The following ASRGL1 variants were observed in gnomAD, a reference collection of about 807,000 sequenced individuals.
The protein encoded by ASRGL1 is isoaspartyl peptidase/L-asparaginase.
In ASRGL1, 16 loss-of-function variants were observed where a neutral mutation model predicts 22.4. The observed-to-expected ratio is 0.71, with a 90% CI of 0.48 to 1.08. The LOEUF (loss-of-function observed/expected upper bound fraction) is 1.08, where lower values mean the gene tolerates loss of function less well. Ranked by LOEUF, ASRGL1 falls within the 50% of genes least tolerant of loss-of-function variation. The probability of loss-of-function intolerance (pLI) is 0.00; values close to 1 mark genes in which losing one functional copy is unlikely to be tolerated. For missense variants in ASRGL1, 412 were observed against 410.1 expected, an observed-to-expected ratio of 1.00 and a Z score of -0.04; for synonymous variants, 165 against 159.3, an observed-to-expected ratio of 1.04 and a Z score of -0.27.
At chr11:62,398,381 G>A (rs1010460652), downstream of ASRGL1, among the ~76,000 whole-genome samples, 7 of 152,066 alleles carry the variant, frequency 4.6e-5, no homozygotes, top group Admixed American at 1.3e-4. Context: ...TTCCCACACA[G>A]CTAGGAGCCA....
rs777095330 is a variant in ASRGL1 at position 62,391,543 on chromosome 11, A to G, written c.632A>G (p.Asn211Ser). ...GCAGGAGCTGGAGGTTATGCCGACAATGACATCGGAGCCGTCTCAACCACA... is the reference window on the plus strand; with the variant it reads ...GCAGGAGCTGGAGGTTATGCCGACAGTGACATCGGAGCCGTCTCAACCACA... ...PCLGAGGYAD[N>S]DIGAVSTTGH... Residue 211 changes from asparagine to serine, a missense_variant, in exon 6 of 7, where the codon AAT becomes AGT. By Grantham distance (46) the Asn-to-Ser change is conservative (BLOSUM62 1). Transcript: ENST00000415229. 2 of 1,612,194 alleles carry G rather than the reference A, an allele frequency of 1.2e-6. No homozygotes were observed. The highest frequency in any genetic ancestry group is 1.7e-6 in the Non-Finnish European group (2 of 1,179,180).
chr11:62,358,395 T>C (rs552895386), intron 4 of ASRGL1, among the ~76,000 whole-genome samples: 2 of 141,174 alleles, frequency 1.4e-5, no homozygotes, highest in East Asian at 2.1e-4. Context: ...AAAAAAAGAT[T>C]GACCTTATGT....
At chr11:62,374,490 A>C (rs1946861436) in intron 4 of ASRGL1, among the ~76,000 whole-genome samples, 1 of 152,160 alleles carries the variant, frequency 6.6e-6, no homozygotes, top group Non-Finnish European at 1.5e-5. Context: ...TAGAAACTTA[A>C]GTGTGAGATT....
At chr11:62,347,231 T>A (rs1287007515) in intron 2 of ASRGL1, among the ~76,000 whole-genome samples, 1 of 152,190 alleles carries the variant, frequency 6.6e-6, no homozygotes, top group Non-Finnish European at 1.5e-5. Flanking sequence ...CAGTCTATAG[T>A]CCTCAGTAAG....
intron 2 of ASRGL1, among the ~76,000 whole-genome samples, chr11:62,349,246 C>A (rs1353843653): frequency 6.6e-6 from 1 of 152,226 alleles, no homozygotes; most frequent in Non-Finnish European, 1.5e-5. Context: ...GGATTACCGG[C>A]ATGAGCCACC....
chr11:62,398,801 A>G, the ASRGL1 span, among the ~76,000 whole-genome samples: 1 of 152,164 alleles, frequency 6.6e-6, no homozygotes, highest in Non-Finnish European at 1.5e-5. Context: ...CTTTGGCACA[A>G]ATATCACACC....
intron 2 of ASRGL1, among the ~76,000 whole-genome samples, chr11:62,342,920 G>T (rs1225386914): frequency 1.3e-5 from 2 of 152,236 alleles, no homozygotes. Flanking sequence ...ACCACAGTTG[G>T]TTTAACCATG....
intron 4 of ASRGL1, chr11:62,372,273 T>C (rs1946793973): frequency 1.9e-6 from 3 of 1,600,316 alleles, no homozygotes; most frequent in Non-Finnish European, 2.6e-6. Flanking sequence ...GGAAACGGGC[T>C]CCGTGTTTGC....
chr11:62,372,612 G>A, intron 4 of ASRGL1: 2 of 874,700 alleles, frequency 2.3e-6, no homozygotes, highest in Admixed American at 3.4e-5. Flanking sequence ...GCGAGACGTG[G>A]CCTGTGGCGC....
At chr11:62,360,866 A>G (rs1946417278) in intron 4 of ASRGL1, among the ~76,000 whole-genome samples, 1 of 152,192 alleles carries the variant, frequency 6.6e-6, no homozygotes, top group African/African-American at 2.4e-5. Flanking sequence ...TTTACCGGAA[A>G]CAGAAAACAA....
At chr11:62,344,085 A>T (rs571197217) in intron 2 of ASRGL1, among the ~76,000 whole-genome samples, 4 of 152,030 alleles carry the variant, frequency 2.6e-5, no homozygotes, top group African/African-American at 9.6e-5. Flanking sequence ...TTTAGTAGAC[A>T]TGGGGTTTCA....
Position 62,357,053 on chromosome 11 carries a change from AT to A in ASRGL1, c.402del (p.Pro135LeufsTer6), listed in dbSNP as rs1946316141. On this transcript the variant is annotated frameshift_variant, in exon 4 of 7. Coordinates refer to ENST00000415229, the MANE Select transcript of ASRGL1 (RefSeq NM_001083926.2). LOFTEE classifies it high-confidence loss of function. ...TGCAGCAGCTATGGGGGTTCCAGAG[AT>A]TCCTGGAGAAAAACTGGTGACAGAG... Reference protein sequence around the residue: ...QFAAAMGVPEIPGEKLVTERN... With the variant: ...QFAAAMGVPEXPGEKLVTERN... 1.2e-6 allele frequency: 2 copies of A among 1,614,080 alleles called. No homozygotes were observed. The highest frequency in any genetic ancestry group is 2.7e-5 in the African/African-American group (2 of 74,940).
At chr11:62,371,972 A>T in intron 4 of ASRGL1, 1 of 611,370 alleles carries the variant, frequency 1.6e-6, no homozygotes, top group South Asian at 1.9e-5. Context: ...AAAAAAAAAA[A>T]AAGTTCCTAA....
intron 4 of ASRGL1, among the ~76,000 whole-genome samples, chr11:62,378,763 T>G (rs1368909760): frequency 2.0e-5 from 3 of 152,172 alleles, no homozygotes; most frequent in Non-Finnish European, 4.4e-5. Flanking sequence ...TAATTGTTCC[T>G]TTGCTAATAA....
chr11:62,391,743 A>C, intron 6 of ASRGL1, 111 bp downstream of exon 6: 2 of 1,382,156 alleles, frequency 1.4e-6, no homozygotes, highest in South Asian at 2.9e-5. Flanking sequence ...TTGGCTACAG[A>C]TGTTGCTTTC....
At chr11:62,373,316 C>T (rs1946824791) in intron 4 of ASRGL1, 1 of 608,086 alleles carries the variant, frequency 1.6e-6, no homozygotes, top group Non-Finnish European at 2.9e-6. Flanking sequence ...CCTGAGGTTC[C>T]GTTTTACAAG....
At chr11:62,341,579 G>T (rs1393493835) in intron 2 of ASRGL1, among the ~76,000 whole-genome samples, 1 of 152,142 alleles carries the variant, frequency 6.6e-6, no homozygotes, top group Non-Finnish European at 1.5e-5. Context: ...CTGTAGTGGG[G>T]TCTAGGAATT....
chr11:62,361,134 G>A (rs974401594), intron 4 of ASRGL1, among the ~76,000 whole-genome samples: 2 of 152,124 alleles, frequency 1.3e-5, no homozygotes, highest in African/African-American at 4.8e-5. Flanking sequence ...AATAAAGTGA[G>A]ACATGAAATC....
At chr11:62,338,233 A>G in intron 2 of ASRGL1, 66 bp downstream of exon 2, 1 of 1,403,990 alleles carries the variant, frequency 7.1e-7, no homozygotes, top group African/African-American at 1.4e-5. Flanking sequence ...GAATAAATAG[A>G]ACCTACATAG....
Sources: allele counts gnomAD v4.1 joint callset (sites outside exome capture counted in the v4.1 genomes callset), GRCh38; gene constraint gnomAD v4.1.1; transcripts MANE v1.5; gene names NCBI Gene and HGNC (gene_info 2026-07-23, HGNC 2026-07-21).